The following IPO5 variants were observed in gnomAD, a reference collection of about 807,000 sequenced individuals.
IPO5 encodes importin 5.
IPO5 carries 18 observed loss-of-function variants against 143.3 expected under a neutral mutation model. That is an observed-to-expected ratio of 0.13 (90% CI 0.09 to 0.19). The LOEUF (loss-of-function observed/expected upper bound fraction) is 0.19, where lower values mean the gene tolerates loss of function less well. Among genes scored for constraint, IPO5 ranks in the 10% least tolerant of loss-of-function variants. The pLI is 1.00. For synonymous variants in IPO5, 477 were observed against 465.7 expected, an observed-to-expected ratio of 1.02 and a Z score of -0.31; for missense variants, 1,013 against 1,336.9, an observed-to-expected ratio of 0.76 and a Z score of 3.78.
intron 28 of IPO5, chr13:98,021,411 A>G: frequency 2.8e-6 from 1 of 357,542 alleles, no homozygotes; most frequent in Non-Finnish European, 4.9e-6. Flanking sequence ...ATCTTAAGAA[A>G]AAAAAACAAG....
At chr13:97,997,257 G>C (rs1888372867) in intron 11 of IPO5, among the ~76,000 whole-genome samples, 1 of 152,202 alleles carries the variant, frequency 6.6e-6, no homozygotes, top group South Asian at 2.1e-4. Context: ...CATTTGTGAT[G>C]TTGCTTCTTA....
chr13:98,004,938 C>G (rs2139786795), intron 16 of IPO5, among the ~76,000 whole-genome samples: 1 of 151,872 alleles, frequency 6.6e-6, no homozygotes, highest in South Asian at 2.1e-4. Flanking sequence ...GAGTCTCGCC[C>G]AGGCTGGAGT....
intron 7 of IPO5, among the ~76,000 whole-genome samples, chr13:97,989,598 A>G (rs906913489): frequency 6.6e-6 from 1 of 152,202 alleles, no homozygotes; most frequent in African/African-American, 2.4e-5. Flanking sequence ...CTGTATATTT[A>G]TAACCAAATA....
In IPO5 at chr13:97,976,843, C is replaced by T. The variant is rs1364271547; in HGVS notation, c.90+57C>T. On this transcript the variant is annotated intron_variant, in intron 4 of 28. Transcript: ENST00000651721. Reference sequence around the variant, plus strand: ...CCTGGCCGGCGCGCCGACCCTTTACCGACGCCAGCCGCACCGGGCCTCGGC... The same window carrying T: ...CCTGGCCGGCGCGCCGACCCTTTACTGACGCCAGCCGCACCGGGCCTCGGC... The T allele has an allele frequency of 1.4e-5, 10 of 699,772 alleles. No homozygotes were observed. In the South Asian group the frequency reaches 1.8e-4, roughly 13 times the overall value. The allele number at this position is 699,772 out of a possible 1,614,324, so 43.3% of individuals were successfully genotyped here.
In IPO5 at chr13:97,968,453, T is replaced by C. The variant is rs577316927; in HGVS notation, c.-112-1270T>C. On this transcript the variant is annotated intron_variant, in intron 2 of 28. Coordinates refer to ENST00000651721, the MANE Select transcript of IPO5 (RefSeq NM_002271.6). ...ATTATTGATCTATCTAGTTATCCTA[T>C]CCGTTACTGAAAGGTGGGAACAGAA... Among the ~76,000 whole-genome samples the C allele has an allele frequency of 2.6e-5, 4 of 152,348 alleles. No individual in the cohort carries two copies. The South Asian group carries it at 8.3e-4, about 32-fold the overall frequency.
Position 98,010,780 on chromosome 13 carries a change from C to CTTTTTTTT in IPO5, c.2055+567_2055+574dup, listed in dbSNP as rs71117688. Among the ~76,000 whole-genome samples the CTTTTTTTT allele has an allele frequency of 9.1e-4, 64 of 70,016 alleles. 8 individuals are homozygous for CTTTTTTTT. Among genetic ancestry groups the CTTTTTTTT allele is most frequent in the African/African-American group, 4.0e-3 (42 of 10,536 alleles). The allele number at this position is 70,016 out of a possible 152,430, so 45.9% of individuals were successfully genotyped here. A position where few individuals can be genotyped will look rare whatever the true frequency, so the allele number is the denominator to read the frequency against. The stretch of plus-strand genomic sequence containing the variant: ...ATGCGTTTTAAAGTGAAGGATAATC[C>CTTTTTTTT]TTTTTTTTTTTTTTTTTTGAGGTGG... On this transcript the variant is annotated intron_variant, in intron 20 of 28. Coordinates refer to ENST00000651721, the MANE Select transcript of IPO5 (RefSeq NM_002271.6).
chr13:97,984,214 G>A (rs540793135), intron 5 of IPO5, among the ~76,000 whole-genome samples: 25 of 151,704 alleles, frequency 1.6e-4, no homozygotes, highest in South Asian at 4.2e-4. Context: ...TCCTGACCTC[G>A]TGATCCGCCC....
At chr13:97,973,466 G>T (rs1886001999) in intron 3 of IPO5, among the ~76,000 whole-genome samples, 1 of 152,162 alleles carries the variant, frequency 6.6e-6, no homozygotes, top group African/African-American at 2.4e-5. Flanking sequence ...CTTCAAAATG[G>T]CAAGCCTGCT....
chr13:97,960,276 G>A (rs936126063), intron 2 of IPO5: 7 of 152,124 alleles, frequency 4.6e-5, no homozygotes, highest in African/African-American at 1.7e-4. Context: ...GCAAAAAGAT[G>A]GGAAGGAAAG....
rs761208748 is a variant in IPO5 at position 98,022,819 on chromosome 13, A to G, written c.*997A>G. The G allele has an allele frequency of 8.5e-5, 13 of 152,722 alleles. No individual in the cohort carries two copies. The highest frequency in any genetic ancestry group is 2.9e-4 in the African/African-American group (12 of 41,582). The allele number at this position is 152,722 out of a possible 1,614,324, so 9.5% of individuals were successfully genotyped here. On this transcript the variant is annotated 3_prime_UTR_variant, in exon 29 of 29. Transcript: ENST00000651721. ...TATAATTGCTGTAGAGCCACACACAACTTTTGAACTTTTAATTATAAGTGT... is the reference window on the plus strand; with the variant it reads ...TATAATTGCTGTAGAGCCACACACAGCTTTTGAACTTTTAATTATAAGTGT...
intron 20 of IPO5, among the ~76,000 whole-genome samples, chr13:98,010,812 T>C (rs1466987845): frequency 8.9e-6 from 1 of 111,798 alleles, no homozygotes; most frequent in Non-Finnish European, 2.0e-5. Context: ...GTGGAGTCTC[T>C]CTTTTTCACC....
In IPO5 at chr13:97,990,604, T is replaced by A. The variant is rs1887727498; in HGVS notation, c.669+67T>A. 6 of 866,182 alleles carry A rather than the reference T, an allele frequency of 6.9e-6. No homozygotes were observed. The South Asian group carries it at 8.0e-5, about 12-fold the overall frequency. The allele number at this position is 866,182 out of a possible 1,614,324, so 53.7% of individuals were successfully genotyped here. ...TGGTTCTTTAATGCATTCAATCATT[T>A]ATGCAATAAATTCATATTGCCTATT... On this transcript the variant is annotated intron_variant, in intron 9 of 28. Coordinates refer to ENST00000651721, the MANE Select transcript of IPO5 (RefSeq NM_002271.6).
At chr13:98,019,302 G>GTTT (rs1193027196) in intron 26 of IPO5, among the ~76,000 whole-genome samples, 1 of 152,182 alleles carries the variant, frequency 6.6e-6, no homozygotes, top group Non-Finnish European at 1.5e-5. Context: ...AGCTTTTAAA[G>GTTT]TTTAAGGACC....
chr13:97,984,018 GC>G (rs1429503360), intron 5 of IPO5, among the ~76,000 whole-genome samples: 1 of 105,772 alleles, frequency 9.5e-6, no homozygotes, highest in African/African-American at 3.7e-5. Flanking sequence ...TCGCTCTGTC[GC>G]CCAGGCTGGA....
chr13:97,989,153 T>A lies in IPO5; in HGVS notation c.456T>A (p.Leu152=), dbSNP rs1887614457. 1 of 1,600,684 alleles carries A rather than the reference T, an allele frequency of 6.2e-7. No individual in the cohort carries two copies. Among genetic ancestry groups the A allele is most frequent in the Non-Finnish European group, 8.6e-7 (1 of 1,167,890 alleles). ...ATGTGGGACTGCGGGAAGCTGCCCT[T>A]CACATTTTCTGGTATATACATTAAT... ...SQNVGLREAA[L]HIFWNFPGIF... is the part of the protein sequence containing the mutation. Residue 152 remains leucine (L), a synonymous_variant, in exon 7 of 29, where the codon CTT becomes CTA. Coordinates refer to ENST00000651721, the MANE Select transcript of IPO5 (RefSeq NM_002271.6).
chr13:97,959,560 T>A (rs1022458201), intron 2 of IPO5, among the ~76,000 whole-genome samples: 3 of 152,048 alleles, frequency 2.0e-5, no homozygotes, highest in Non-Finnish European at 4.4e-5. Flanking sequence ...AAACCCCGTC[T>A]CTACTAAAAT....
At chr13:97,954,923 T>C (rs971298282) in intron 2 of IPO5, among the ~76,000 whole-genome samples, 1 of 152,150 alleles carries the variant, frequency 6.6e-6, no homozygotes, top group African/African-American at 2.4e-5. Context: ...AATGCAATTA[T>C]AAACCTCCAA....
chr13:97,994,791 C>T (rs1594086183), intron 11 of IPO5, among the ~76,000 whole-genome samples: 1 of 152,088 alleles, frequency 6.6e-6, no homozygotes, highest in Non-Finnish European at 1.5e-5. Flanking sequence ...AGAAGATCCG[C>T]TCACATGGGA....
chr13:98,008,020 T>C, intron 17 of IPO5, 39 bp from the exon 18 acceptor site: 1 of 1,306,560 alleles, frequency 7.7e-7, no homozygotes, highest in Non-Finnish European at 1.1e-6. Flanking sequence ...GAAACAAAAT[T>C]CGGTATCAAC....
Sources: gnomAD v4.1 joint callset for allele counts (sites outside exome capture counted in the v4.1 genomes callset) on GRCh38, gnomAD v4.1.1 for gene constraint, MANE v1.5 for transcripts, NCBI Gene and HGNC (gene_info 2026-07-23, HGNC 2026-07-21) for gene names.